RSRC1: variants seen among roughly 807,000 people sequenced by gnomAD.
The protein encoded by RSRC1 is arginine and serine rich coiled-coil 1.
A neutral mutation model predicts 49.1 loss-of-function variants in RSRC1; 39 were observed. The observed-to-expected ratio is 0.79, with a 90% confidence interval of 0.61 to 1.04. RSRC1 has a LOEUF of 1.04. Ranked by LOEUF, RSRC1 falls within the 50% of genes least tolerant of loss-of-function variation. The pLI is 0.00. For missense variants in RSRC1, 388 were observed against 402.4 expected (o/e 0.96, Z 0.31); for synonymous variants, 143 against 130.8 (o/e 1.09, Z -0.63).
At chr3:158,143,474 A>G (rs939460855) in intron 3 of RSRC1, among the ~76,000 whole-genome samples, 9 of 152,164 alleles carry the variant, frequency 5.9e-5, no homozygotes, top group African/African-American at 2.2e-4. Context: ...AATAGTAGGG[A>G]CATTACTTAT....
chr3:158,266,783 T>C (rs1725207733), intron 4 of RSRC1, among the ~76,000 whole-genome samples: 1 of 152,170 alleles, frequency 6.6e-6, no homozygotes, highest in Non-Finnish European at 1.5e-5. Flanking sequence ...GTTTCACTCC[T>C]GTTGCCCAGG....
chr3:158,385,657 AT>A (rs1732932575), intron 6 of RSRC1, among the ~76,000 whole-genome samples: 1 of 152,086 alleles, frequency 6.6e-6, no homozygotes, highest in South Asian at 2.1e-4. Flanking sequence ...TAACTGTGCT[AT>A]TTTTTTAAAT....
At chr3:158,458,097 A>G (rs1179119048) in intron 6 of RSRC1, among the ~76,000 whole-genome samples, 1 of 152,150 alleles carries the variant, frequency 6.6e-6, no homozygotes, top group African/African-American at 2.4e-5. Flanking sequence ...AGTGAGTCTG[A>G]GAAAATATAA....
chr3:158,364,115 C>T (rs183668625), intron 6 of RSRC1, among the ~76,000 whole-genome samples: 135 of 152,234 alleles, frequency 8.9e-4, no homozygotes, highest in African/African-American at 3.0e-3. Flanking sequence ...CCATGTGATC[C>T]TTAGGACTCC....
intron 5 of RSRC1, among the ~76,000 whole-genome samples, chr3:158,330,630 G>A (rs1483025370): frequency 6.6e-6 from 1 of 151,890 alleles, no homozygotes; most frequent in Admixed American, 6.6e-5. Context: ...TTTGATCTTT[G>A]CTCTTCTAAG....
intron 6 of RSRC1, among the ~76,000 whole-genome samples, chr3:158,357,924 A>C (rs1304943800): frequency 4.6e-5 from 7 of 152,352 alleles, no homozygotes; most frequent in South Asian, 4.1e-4. Flanking sequence ...TAGAAATCCT[A>C]CGATTAGACT....
chr3:158,468,413 G>T (rs1737984949), intron 7 of RSRC1, among the ~76,000 whole-genome samples: 2 of 152,094 alleles, frequency 1.3e-5, no homozygotes, highest in African/African-American at 2.4e-5. Context: ...GTTATCCTGA[G>T]ATGAAAACAC....
At chr3:158,522,771 G>C (rs1219880387) in intron 7 of RSRC1, among the ~76,000 whole-genome samples, 1 of 151,900 alleles carries the variant, frequency 6.6e-6, no homozygotes, top group African/African-American at 2.4e-5. Flanking sequence ...TCATGGTTCA[G>C]ACTCTTAAAT....
At chr3:158,403,709 T>C (rs1734005125) in intron 6 of RSRC1, among the ~76,000 whole-genome samples, 1 of 151,774 alleles carries the variant, frequency 6.6e-6, no homozygotes, top group African/African-American at 2.4e-5. Context: ...AAAACTAAAA[T>C]GGAAGTTATT....
intron 4 of RSRC1, among the ~76,000 whole-genome samples, chr3:158,280,971 T>C (rs1033134998): frequency 6.6e-6 from 1 of 152,036 alleles, no homozygotes; most frequent in African/African-American, 2.4e-5. Context: ...TTTATAAGAT[T>C]AGACTGGCTG....
chr3:158,242,989 TTCTGTAGGTTG>T (rs1479223886), intron 4 of RSRC1, among the ~76,000 whole-genome samples: 1 of 151,678 alleles, frequency 6.6e-6, no homozygotes, highest in Non-Finnish European at 1.5e-5. Flanking sequence ...TTTTCTCCCA[TTCTGTAGGTTG>T]TCTGTTTACT....
rs182556747 is a variant in RSRC1 at position 158,252,956 on chromosome 3, T to G, written c.495-45083T>G. Among the ~76,000 whole-genome samples the G allele has an allele frequency of 3.5e-3, 536 of 152,204 alleles. 2 individuals are homozygous for G. The highest frequency in any genetic ancestry group is 0.012 in the African/African-American group (499 of 41,576). ...TCTCCTTTTTCATCTCTGATTTTAT[T>G]GATTTGGTTCTTCTCTCTTTTTCTC... On this transcript the variant is annotated intron_variant, in intron 4 of 9. Transcript: ENST00000611884.
intron 6 of RSRC1, among the ~76,000 whole-genome samples, chr3:158,436,676 A>G (rs1736058688): frequency 6.6e-6 from 1 of 151,940 alleles, no homozygotes; most frequent in African/African-American, 2.4e-5. Context: ...CATAAATAGA[A>G]CAGACACATG....
intron 3 of RSRC1, among the ~76,000 whole-genome samples, chr3:158,163,423 T>G (rs1241806512): frequency 6.6e-6 from 1 of 152,184 alleles, no homozygotes; most frequent in Admixed American, 6.6e-5. Flanking sequence ...GACTTGAAGA[T>G]TACTGCTCTG....
chr3:158,240,957 ATAT>A lies in RSRC1; in HGVS notation c.494+37719_494+37721del, dbSNP rs1312973858. Among the ~76,000 whole-genome samples, 8 of 152,302 alleles carry A rather than the reference ATAT, an allele frequency of 5.3e-5. No individual in the cohort carries two copies. The East Asian group carries it at 1.2e-3, about 22-fold the overall frequency. ...ACATTTTTATAACTTTTATTACAGC[ATAT>A]TATTATAATTGTTCTATTTTCTTAT... On this transcript the variant is annotated intron_variant, in intron 4 of 9. Transcript: ENST00000611884.
At chr3:158,171,030 G>C (rs779036572) in intron 3 of RSRC1, among the ~76,000 whole-genome samples, 1 of 151,854 alleles carries the variant, frequency 6.6e-6, no homozygotes, top group Non-Finnish European at 1.5e-5. Context: ...GAATTTAGGA[G>C]TAACCCCAGA....
At chr3:158,352,858 G>T (rs568047636) in intron 5 of RSRC1, among the ~76,000 whole-genome samples, 1 of 152,022 alleles carries the variant, frequency 6.6e-6, no homozygotes, top group African/African-American at 2.4e-5. Context: ...AATGTCATTT[G>T]CCATTTATCA....
At chr3:158,155,598 C>CTTTTTTTTT (rs34972266) in intron 3 of RSRC1, among the ~76,000 whole-genome samples, 1 of 133,958 alleles carries the variant, frequency 7.5e-6, no homozygotes, top group Non-Finnish European at 1.6e-5. Context: ...AGCCTAGCTA[C>CTTTTTTTTT]TTTTTTTTTT....
chr3:158,543,217 G>A (rs979468792), intron 8 of RSRC1, 118 bp from the exon 9 acceptor site: 79 of 737,530 alleles, frequency 1.1e-4, no homozygotes, highest in Non-Finnish European at 1.5e-4. Flanking sequence ...CCTTTTTGGA[G>A]ATGGGTATCA....
Sources: allele counts gnomAD v4.1 joint callset (sites outside exome capture counted in the v4.1 genomes callset), GRCh38; gene constraint gnomAD v4.1.1; transcripts MANE v1.5; gene names NCBI Gene and HGNC (gene_info 2026-07-23, HGNC 2026-07-21).